Variants in ARHGAP10 observed in about 807,000 individuals in gnomAD.
ARHGAP10 encodes rho GTPase-activating protein 10.
In ARHGAP10, 87 loss-of-function variants were observed where a neutral mutation model predicts 108.6. That is an observed-to-expected ratio of 0.80 (90% confidence interval 0.67 to 0.96). The LOEUF is 0.96. Among genes scored for constraint, ARHGAP10 ranks in the 40% least tolerant of loss-of-function variants. ARHGAP10 has a pLI of 0.00. For missense variants in ARHGAP10, 939 were observed against 954.5 expected (o/e 0.98, Z 0.21); for synonymous variants, 347 against 341.1 (o/e 1.02, Z -0.19).
chr4:147,837,649 T>TTTTTTTTTTTTTTTTTTG (rs1464829511), intron 3 of ARHGAP10, among the ~76,000 whole-genome samples: 11 of 132,244 alleles, frequency 8.3e-5, no homozygotes, highest in Non-Finnish European at 1.3e-4. Context: ...CACTGTTTTT[T>TTTTTTTTTTTTTTTTTTG]TTTTTTTTTT....
At chr4:147,932,562 C>T (rs1020756361) in intron 13 of ARHGAP10, among the ~76,000 whole-genome samples, 5 of 143,906 alleles carry the variant, frequency 3.5e-5, no homozygotes, top group South Asian at 4.4e-4. Flanking sequence ...AACAGAAAAC[C>T]AAATATCTCA....
At chr4:147,960,712 A>G (rs928785275) in intron 16 of ARHGAP10, among the ~76,000 whole-genome samples, 4 of 152,228 alleles carry the variant, frequency 2.6e-5, no homozygotes, top group African/African-American at 9.6e-5. Flanking sequence ...ATCAAACATC[A>G]TCAGAAGCCC....
intron 22 of ARHGAP10, among the ~76,000 whole-genome samples, chr4:148,068,380 A>G (rs559170795): frequency 6.6e-6 from 1 of 152,322 alleles, no homozygotes; most frequent in South Asian, 2.1e-4. Context: ...TCTCAGATAG[A>G]CACAGAATAA....
intron 18 of ARHGAP10, among the ~76,000 whole-genome samples, chr4:147,974,873 G>A (rs182835728): frequency 1.6e-3 from 242 of 152,170 alleles, no homozygotes; most frequent in African/African-American, 5.3e-3. Flanking sequence ...ACTTGTGCAG[G>A]GAAACTCCCC....
intron 15 of ARHGAP10, among the ~76,000 whole-genome samples, chr4:147,954,004 C>A (rs1738701351): frequency 6.6e-6 from 1 of 151,936 alleles, no homozygotes; most frequent in African/African-American, 2.4e-5. Context: ...TTTGAGTTTT[C>A]CAGATATCTT....
chr4:147,896,245 C>T (rs955859118), intron 10 of ARHGAP10, among the ~76,000 whole-genome samples: 1 of 152,082 alleles, frequency 6.6e-6, no homozygotes, highest in South Asian at 2.1e-4. Flanking sequence ...GAAGTTTTCC[C>T]TTCTTCACTG....
chr4:147,814,995 G>A lies in ARHGAP10; in HGVS notation c.155-7732G>A, dbSNP rs77404396. Among the ~76,000 whole-genome samples the A allele has an allele frequency of 9.2e-3, 1,402 of 152,238 alleles. 17 individuals are homozygous for A. Among genetic ancestry groups the A allele is most frequent in the African/African-American group, 0.028 (1,145 of 41,540 alleles). On this transcript the variant is annotated intron_variant, in intron 1 of 22. Coordinates refer to ENST00000336498, the MANE Select transcript of ARHGAP10 (RefSeq NM_024605.4). ...GCACCCATTAAACCAGGCTTTCTTGGCGTCGAAGCCAAGAAGCTTAAAAGA... is the reference window on the plus strand; with the variant it reads ...GCACCCATTAAACCAGGCTTTCTTGACGTCGAAGCCAAGAAGCTTAAAAGA...
intron 1 of ARHGAP10, among the ~76,000 whole-genome samples, chr4:147,766,488 T>C (rs6822971): frequency 0.75 from 112,931 of 151,356 alleles, 48,053 homozygotes; most frequent in Non-Finnish European, 0.93. Context: ...TTGTTTTGAT[T>C]GCAGTCAGTT....
chr4:147,855,531 G>A (rs911639422), intron 4 of ARHGAP10, among the ~76,000 whole-genome samples: 1 of 152,258 alleles, frequency 6.6e-6, no homozygotes, highest in East Asian at 1.9e-4. Context: ...AGTAAAAGAG[G>A]TTAAAATACA....
intron 1 of ARHGAP10, among the ~76,000 whole-genome samples, chr4:147,804,086 T>C (rs1242399087): frequency 1.3e-5 from 2 of 151,992 alleles, no homozygotes; most frequent in Non-Finnish European, 2.9e-5. Flanking sequence ...GTGTACAGAT[T>C]ATTTTGTCAT....
In ARHGAP10 at chr4:147,820,613, G is replaced by T. The variant is rs577556092; in HGVS notation, c.155-2114G>T. Among the ~76,000 whole-genome samples the T allele has an allele frequency of 2.2e-4, 22 of 101,026 alleles. No homozygotes were observed. In the South Asian group the frequency reaches 5.5e-3, roughly 25 times the overall value. 66.3% of individuals were successfully genotyped at this position (101,026 alleles called of 152,430 possible). On this transcript the variant is annotated intron_variant, in intron 1 of 22. Coordinates refer to ENST00000336498, the MANE Select transcript of ARHGAP10 (RefSeq NM_024605.4). ...TTTTTTTTTTTTTTTTTTTTTTTGA[G>T]ACAGGGTCTCCCTATTGCCTAGGCT... is the stretch of plus-strand genomic sequence containing the variant.
In ARHGAP10 at chr4:147,897,978, C is replaced by T. The variant is rs1052858111; in HGVS notation, c.1035-8660C>T. On this transcript the variant is annotated intron_variant, in intron 10 of 22. Transcript: ENST00000336498. ...ACGCCATTCTCCTGCCTCAGCCTCC[C>T]GAGAAGCTGGGACTACAGGCGCCTG... 8.5e-5 allele frequency among the ~76,000 whole-genome samples: 13 copies of T among 152,124 alleles called. 1 individual carries two copies. The highest frequency in any genetic ancestry group is 3.4e-3 in the Middle Eastern group (1 of 294).
chr4:147,935,277 T>A (rs1340584817), intron 13 of ARHGAP10, among the ~76,000 whole-genome samples: 1 of 152,196 alleles, frequency 6.6e-6, no homozygotes, highest in African/African-American at 2.4e-5. Flanking sequence ...GTGGGCTGGA[T>A]CTGAAGGCTG....
At chr4:147,744,009 A>G (rs1228841719) in intron 1 of ARHGAP10, among the ~76,000 whole-genome samples, 3 of 152,182 alleles carry the variant, frequency 2.0e-5, no homozygotes, top group Non-Finnish European at 2.9e-5. Context: ...AACTCTAGCT[A>G]TGGTGGGCTA....
chr4:147,768,735 T>C (rs1463659184), intron 1 of ARHGAP10, among the ~76,000 whole-genome samples: 1 of 133,424 alleles, frequency 7.5e-6, no homozygotes, highest in East Asian at 2.3e-4. Flanking sequence ...GGGCAAATTT[T>C]CTTGTCTTTT....
In ARHGAP10 at chr4:147,872,929, T is replaced by C. The variant is rs117274429; in HGVS notation, c.703-2092T>C. 1.4e-3 allele frequency among the ~76,000 whole-genome samples: 218 copies of C among 152,026 alleles called. 8 individuals carry two copies. In the East Asian group the frequency reaches 0.039, roughly 27 times the overall value. The stretch of plus-strand genomic sequence containing the variant: ...ACATCTGCTTCCTAAGGCTGTCTGC[T>C]GAGAAGACTTAGAAGTGAGCACACT... On this transcript the variant is annotated intron_variant, in intron 7 of 22. Transcript: ENST00000336498.
Position 147,882,462 on chromosome 4 carries a change from CA to C in ARHGAP10, c.1034+544del, listed in dbSNP as rs111560424. ...TGGGCGACAGAGTGAGACTCCGTTTCAAAAAAAAAAAAAATTGCCTTGGAGC... is the reference window on the plus strand; with the variant it reads ...TGGGCGACAGAGTGAGACTCCGTTTCAAAAAAAAAAAAATTGCCTTGGAGC... On this transcript the variant is annotated intron_variant, in intron 10 of 22. Transcript: ENST00000336498. 6.5e-3 allele frequency among the ~76,000 whole-genome samples: 947 copies of C among 145,232 alleles called. 12 individuals are homozygous for C. Among genetic ancestry groups the C allele is most frequent in the African/African-American group, 0.023 (910 of 39,208 alleles).
In ARHGAP10 at chr4:147,732,155, C is replaced by A; in HGVS notation, c.-147C>A. On this transcript the variant is annotated 5_prime_UTR_variant, in exon 1 of 23. Coordinates refer to ENST00000336498, the MANE Select transcript of ARHGAP10 (RefSeq NM_024605.4). ...CGCCGCAGGACTCGGCTCTACGGGACATGTCCGTGCCGCGCTCGCCGCGCG... is the reference window on the plus strand; with the variant it reads ...CGCCGCAGGACTCGGCTCTACGGGAAATGTCCGTGCCGCGCTCGCCGCGCG... 1.5e-6 allele frequency: 1 copy of A among 669,832 alleles called. No individual in the cohort carries two copies. The highest frequency in any genetic ancestry group is 2.2e-6 in the Non-Finnish European group (1 of 460,000). 41.5% of individuals were successfully genotyped at this position (669,832 alleles called of 1,614,324 possible). A position where few individuals can be genotyped will look rare whatever the true frequency, so the allele number is the denominator to read the frequency against.
intron 18 of ARHGAP10, among the ~76,000 whole-genome samples, chr4:147,983,900 G>A (rs1485993846): frequency 6.6e-6 from 1 of 152,074 alleles, no homozygotes; most frequent in East Asian, 1.9e-4. Context: ...TCTTATGCTG[G>A]TTTCTTCTCA....
Sources: allele counts gnomAD v4.1 joint callset (sites outside exome capture counted in the v4.1 genomes callset), GRCh38; gene constraint gnomAD v4.1.1; transcripts MANE v1.5; gene names NCBI Gene and HGNC (gene_info 2026-07-23, HGNC 2026-07-21).